Variants in DMD observed in about 807,000 individuals in gnomAD.
DMD encodes the protein dystrophin.
Under a neutral mutation model 330.1 loss-of-function variants are expected in DMD, and 63 were observed. The ratio of observed to expected loss-of-function variants is 0.19; its 90% confidence interval spans 0.16 to 0.24. The LOEUF (loss-of-function observed/expected upper bound fraction) is 0.24, where lower values mean the gene tolerates loss of function less well. Among genes scored for constraint, DMD ranks in the 10% least tolerant of loss-of-function variants. The pLI is 1.00. For missense variants in DMD, 3,344 were observed against 2,684.1 expected (o/e 1.25, Z -5.43); for synonymous variants, 1,223 against 959.8 (o/e 1.27, Z -5.07).
At chrX:31,525,128 T>C (rs1427940905) in intron 55 of DMD, among the ~76,000 whole-genome samples, 1 of 111,991 alleles carries the variant, frequency 8.9e-6, no homozygotes, top group African/African-American at 3.2e-5. Context: ...GTTTTAAGTA[T>C]TGATAGATAA....
intron 33 of DMD, among the ~76,000 whole-genome samples, chrX:32,383,803 A>C (rs1217784532): frequency 9.1e-6 from 1 of 110,373 alleles, no homozygotes; most frequent in South Asian, 3.8e-4. Flanking sequence ...AATAATAATC[A>C]ACTCAGGGCA....
chrX:32,467,307 C>A (rs1280131364), intron 23 of DMD, among the ~76,000 whole-genome samples: 1 of 111,035 alleles, frequency 9.0e-6, no homozygotes, highest in Non-Finnish European at 1.9e-5. Flanking sequence ...TAATTGACCA[C>A]TCAAGGGACA....
At chrX:31,954,892 C>T (rs1166923289) in intron 45 of DMD, among the ~76,000 whole-genome samples, 2 of 108,844 alleles carry the variant, frequency 1.8e-5, no homozygotes, top group East Asian at 5.8e-4. Context: ...TCAGGCCAAT[C>T]ACATTGGCTC....
chrX:33,041,792 A>G (rs1419811557), intron 1 of DMD: 12 of 1,010,378 alleles, frequency 1.2e-5, no homozygotes, highest in African/African-American at 7.5e-5. Context: ...ATTTTTGACC[A>G]CTGCGGTGTG....
intron 1 of DMD, among the ~76,000 whole-genome samples, chrX:33,268,143 C>A (rs1226501385): frequency 9.1e-6 from 1 of 109,967 alleles, no homozygotes; most frequent in Non-Finnish European, 1.9e-5. Flanking sequence ...GCGTCTGCCA[C>A]CACACCCGGC....
intron 1 of DMD, among the ~76,000 whole-genome samples, chrX:33,185,173 A>G (rs1161161075): frequency 1.8e-5 from 2 of 111,405 alleles, no homozygotes; most frequent in Non-Finnish European, 3.8e-5. Context: ...ATTATACTCC[A>G]AAGAAAAACG....
At chrX:32,665,627 G>T (rs1247593120) in intron 9 of DMD, among the ~76,000 whole-genome samples, 2 of 111,831 alleles carry the variant, frequency 1.8e-5, no homozygotes, top group Admixed American at 1.9e-4. Flanking sequence ...TCATAGTCCA[G>T]TGGAGGAAAC....
chrX:33,255,907 T>C (rs2052849118), intron 1 of DMD, among the ~76,000 whole-genome samples: 1 of 111,767 alleles, frequency 8.9e-6, no homozygotes, highest in African/African-American at 3.2e-5. Flanking sequence ...AGGCCATCCA[T>C]ACCTGCCTTT....
chrX:32,428,726 C>G (rs748743612), intron 29 of DMD, among the ~76,000 whole-genome samples: 21 of 111,324 alleles, frequency 1.9e-4, no homozygotes, highest in Non-Finnish European at 3.8e-4. Context: ...ATTCTCCCAC[C>G]TCAGCCTCCC....
chrX:33,305,174 C>T (rs1185396344), intron 1 of DMD, among the ~76,000 whole-genome samples: 3 of 106,380 alleles, frequency 2.8e-5, no homozygotes, highest in Non-Finnish European at 5.8e-5. Context: ...ACCCAAATGT[C>T]CAACAATGAT....
chrX:32,776,507 A>C (rs1425205023), intron 7 of DMD, among the ~76,000 whole-genome samples: 1 of 111,508 alleles, frequency 9.0e-6, no homozygotes, highest in East Asian at 2.8e-4. Context: ...GAAACTTACA[A>C]TCATGGTGGA....
chrX:32,822,793 C>T (rs1275064390), intron 5 of DMD, among the ~76,000 whole-genome samples: 3 of 110,309 alleles, frequency 2.7e-5, no homozygotes, highest in African/African-American at 9.9e-5. Context: ...GTCGGAAGAC[C>T]CTATGCTCAG....
intron 1 of DMD, among the ~76,000 whole-genome samples, chrX:33,309,337 A>G (rs1221410029): frequency 9.0e-6 from 1 of 111,702 alleles, no homozygotes; most frequent in Non-Finnish European, 1.9e-5. Flanking sequence ...AATATTAGCA[A>G]CACATATTAC....
At chrX:33,162,029 G>C (rs928198658) in intron 1 of DMD, among the ~76,000 whole-genome samples, 1 of 111,754 alleles carries the variant, frequency 8.9e-6, no homozygotes, top group Admixed American at 9.6e-5. Context: ...GAGTTGGATA[G>C]AGAGGGAAGC....
At chrX:32,689,337 A>T (rs1317353974) in intron 9 of DMD, among the ~76,000 whole-genome samples, 1 of 111,193 alleles carries the variant, frequency 9.0e-6, no homozygotes, top group African/African-American at 3.3e-5. Context: ...AATTCCTAGA[A>T]ACATAAAACC....
intron 11 of DMD, among the ~76,000 whole-genome samples, chrX:32,616,027 C>T (rs1228611416): frequency 9.0e-6 from 1 of 110,934 alleles, no homozygotes; most frequent in Non-Finnish European, 1.9e-5. Flanking sequence ...AAGTGCTGGC[C>T]AGGCTGGTAT....
chrX:31,969,960 TC>T (rs2095384507), intron 44 of DMD, among the ~76,000 whole-genome samples: 1 of 111,714 alleles, frequency 9.0e-6, no homozygotes, highest in South Asian at 3.7e-4. Flanking sequence ...TACCACCTGT[TC>T]AGATCAGCGT....
At chrX:33,182,503 C>A (rs2050048780) in intron 1 of DMD, among the ~76,000 whole-genome samples, 2 of 110,233 alleles carry the variant, frequency 1.8e-5, no homozygotes, top group Admixed American at 1.9e-4. Flanking sequence ...AACTCCTGGG[C>A]TCAAGGGATC....
chrX:31,552,304 T>C (rs1289190231), intron 55 of DMD, among the ~76,000 whole-genome samples: 4 of 111,580 alleles, frequency 3.6e-5, no homozygotes, highest in East Asian at 5.7e-4. Flanking sequence ...TCCTGAGTAG[T>C]TGGGATTATA....
Sources: gnomAD v4.1 joint callset for allele counts (sites outside exome capture counted in the v4.1 genomes callset) on GRCh38, gnomAD v4.1.1 for gene constraint, MANE v1.5 for transcripts, NCBI Gene and HGNC (gene_info 2026-07-23, HGNC 2026-07-21) for gene names.